Variants in CHCHD6 observed in about 807,000 individuals in gnomAD.
The protein encoded by CHCHD6 is MICOS complex subunit MIC25.
CHCHD6 carries 28 observed loss-of-function variants against 32.3 expected under a neutral mutation model. That is an observed-to-expected ratio of 0.87 (90% CI 0.64 to 1.19). The LOEUF is 1.19. CHCHD6 is among the 50% of genes most tolerant of loss of function. The pLI is 0.00. For synonymous variants in CHCHD6, 122 were observed against 117.5 expected (o/e 1.04, Z -0.25); for missense variants, 333 against 307.0 (o/e 1.08, Z -0.63).
chr3:126,756,938 G>A (rs1936975252), intron 4 of CHCHD6, among the ~76,000 whole-genome samples: 1 of 152,200 alleles, frequency 6.6e-6, no homozygotes, highest in African/African-American at 2.4e-5. Context: ...ATCACATCAT[G>A]TATGTTTGTT....
intron 4 of CHCHD6, among the ~76,000 whole-genome samples, chr3:126,768,692 C>T (rs2107675848): frequency 6.6e-6 from 1 of 152,256 alleles, no homozygotes; most frequent in Non-Finnish European, 1.5e-5. Context: ...ACAGCAGTGT[C>T]TATAAGCATA....
intron 1 of CHCHD6, among the ~76,000 whole-genome samples, chr3:126,724,298 T>G (rs1389702501): frequency 1.3e-5 from 2 of 152,116 alleles, no homozygotes; most frequent in Non-Finnish European, 2.9e-5. Flanking sequence ...CAGACGTGGC[T>G]CCAGATACCA....
chr3:126,786,382 A>G (rs1042813923), intron 4 of CHCHD6, among the ~76,000 whole-genome samples: 72 of 152,208 alleles, frequency 4.7e-4, no homozygotes, highest in Admixed American at 6.5e-4. Context: ...TTCTAGTTCA[A>G]TATCCCTGAG....
chr3:126,821,400 T>A (rs1940143494), intron 4 of CHCHD6, among the ~76,000 whole-genome samples: 1 of 152,158 alleles, frequency 6.6e-6, no homozygotes, highest in African/African-American at 2.4e-5. Context: ...TTCAAGCAAT[T>A]CTCCTGCCTT....
chr3:126,787,466 G>A (rs1214929546), intron 4 of CHCHD6, among the ~76,000 whole-genome samples: 1 of 152,080 alleles, frequency 6.6e-6, no homozygotes, highest in Admixed American at 6.5e-5. Context: ...AGCATGGAAT[G>A]TTCTTCCATT....
chr3:126,791,396 G>T (rs1414689493), intron 4 of CHCHD6, among the ~76,000 whole-genome samples: 2 of 152,262 alleles, frequency 1.3e-5, no homozygotes, highest in Non-Finnish European at 2.9e-5. Flanking sequence ...GCTGCCTTTT[G>T]TTCGGCTATG....
rs576614773 is a variant in CHCHD6, at chr3:126,800,723, G to T, written c.412-51924G>T. Among the ~76,000 whole-genome samples the T allele has an allele frequency of 1.8e-4, 27 of 152,288 alleles. No homozygotes were observed. In the South Asian group the frequency reaches 5.2e-3, roughly 29 times the overall value. ...ACAGCAGGCATCACAGAAAAAAGGA[G>T]CATCATACTCAAGACAGGCTGAGAC... On this transcript the variant is annotated intron_variant, in intron 4 of 7. Coordinates refer to ENST00000290913, the MANE Select transcript of CHCHD6 (RefSeq NM_032343.3).
rs141994749 is a variant in CHCHD6 at position 126,847,531 on chromosome 3, A to T, written c.412-5116A>T. Reference sequence around the variant, plus strand: ...AACTAAATCTTGGAAGTGACATCCCATCACTTTGCCATATTCTATTTATTA... The same window carrying T: ...AACTAAATCTTGGAAGTGACATCCCTTCACTTTGCCATATTCTATTTATTA... On this transcript the variant is annotated intron_variant, in intron 4 of 7. Transcript: ENST00000290913. Among the ~76,000 whole-genome samples, 195 of 152,262 alleles carry T rather than the reference A, an allele frequency of 1.3e-3. 2 individuals are homozygous for T. The highest frequency in any genetic ancestry group is 1.9e-4 in the Non-Finnish European group (13 of 68,014).
chr3:126,714,441 A>C lies in CHCHD6; in HGVS notation c.87+10042A>C, dbSNP rs1934912121. ...GTGAGCAGCCGGTGCATCTAATTTC[A>C]GCTCATAGAAAACTGAAGAGCTAGG... On this transcript the variant is annotated intron_variant, in intron 1 of 7. Coordinates refer to ENST00000290913, the MANE Select transcript of CHCHD6 (RefSeq NM_032343.3). Among the ~76,000 whole-genome samples the C allele has an allele frequency of 3.3e-5, 5 of 152,078 alleles. No homozygotes were observed. In the South Asian group the frequency reaches 1.0e-3, roughly 32 times the overall value.
intron 4 of CHCHD6, among the ~76,000 whole-genome samples, chr3:126,787,875 G>C (rs1359100125): frequency 6.6e-6 from 1 of 152,158 alleles, no homozygotes; most frequent in Non-Finnish European, 1.5e-5. Context: ...GAATAGGAGT[G>C]GTGAGAGAGG....
At chr3:126,860,266 T>A (rs1410642360) in intron 5 of CHCHD6, among the ~76,000 whole-genome samples, 1 of 152,172 alleles carries the variant, frequency 6.6e-6, no homozygotes, top group East Asian at 1.9e-4. Context: ...GAGGCCCACC[T>A]TCCACCGTCA....
chr3:126,894,389 A>G (rs1258431767), intron 5 of CHCHD6, among the ~76,000 whole-genome samples: 1 of 152,228 alleles, frequency 6.6e-6, no homozygotes, highest in African/African-American at 2.4e-5. Context: ...CTTGAGGCTC[A>G]TGAAGAACTC....
At chr3:126,914,015 A>G (rs1026961209) in intron 5 of CHCHD6, among the ~76,000 whole-genome samples, 3 of 152,172 alleles carry the variant, frequency 2.0e-5, no homozygotes, top group Admixed American at 6.5e-5. Context: ...TCTCAGGACA[A>G]ATTAAGTGTG....
At chr3:126,888,816 G>C (rs2077713727) in intron 5 of CHCHD6, among the ~76,000 whole-genome samples, 1 of 152,218 alleles carries the variant, frequency 6.6e-6, no homozygotes, top group Non-Finnish European at 1.5e-5. Context: ...GAGCTGGGTA[G>C]CCCCTGTGAG....
At chr3:126,706,682 T>G (rs1486904642) in intron 1 of CHCHD6, among the ~76,000 whole-genome samples, 1 of 151,972 alleles carries the variant, frequency 6.6e-6, no homozygotes, top group African/African-American at 2.4e-5. Flanking sequence ...AGAGGAAAAC[T>G]GAAGAAAGGA....
At chr3:126,772,248 C>T (rs981228629) in intron 4 of CHCHD6, among the ~76,000 whole-genome samples, 3 of 152,092 alleles carry the variant, frequency 2.0e-5, no homozygotes, top group Non-Finnish European at 2.9e-5. Context: ...ACTACAGGTG[C>T]CCGCAACCAC....
intron 5 of CHCHD6, among the ~76,000 whole-genome samples, chr3:126,861,163 A>G (rs1265501010): frequency 2.0e-5 from 3 of 152,074 alleles, no homozygotes; most frequent in Non-Finnish European, 2.9e-5. Flanking sequence ...TGTTGTTGTC[A>G]TTGTTCCTGG....
chr3:126,898,879 G>A (rs2077880400), intron 5 of CHCHD6, among the ~76,000 whole-genome samples: 1 of 152,168 alleles, frequency 6.6e-6, no homozygotes, highest in Non-Finnish European at 1.5e-5. Context: ...ACTTTAAAAT[G>A]GTTAAATTTA....
chr3:126,875,774 G>A (rs1038743694), intron 5 of CHCHD6, among the ~76,000 whole-genome samples: 28 of 152,288 alleles, frequency 1.8e-4, no homozygotes, highest in African/African-American at 6.3e-4. Context: ...AACAAACAAA[G>A]CACTGTATTT....
Sources: gnomAD v4.1 joint callset for allele counts (sites outside exome capture counted in the v4.1 genomes callset) on GRCh38, gnomAD v4.1.1 for gene constraint, MANE v1.5 for transcripts, NCBI Gene and HGNC (gene_info 2026-07-23, HGNC 2026-07-21) for gene names.